MACROD2: variants seen among roughly 807,000 people sequenced by gnomAD.
MACROD2 encodes the protein mono-ADP ribosylhydrolase 2.
In MACROD2, 36 loss-of-function variants were observed where a neutral mutation model predicts 70.4. The observed-to-expected ratio is 0.51, with a 90% CI of 0.39 to 0.68. The LOEUF is 0.68. Among genes scored for constraint, MACROD2 ranks in the 30% least tolerant of loss-of-function variants. The pLI, the probability that MACROD2 is intolerant of heterozygous loss-of-function variation, is 0.00. For missense variants in MACROD2, 496 were observed against 538.4 expected, an observed-to-expected ratio of 0.92 and a Z score of 0.78; for synonymous variants, 172 against 178.8, an observed-to-expected ratio of 0.96 and a Z score of 0.30.
chr20:14,325,753 G>A, intron 3 of MACROD2: 1 of 1,613,924 alleles, frequency 6.2e-7, no homozygotes, highest in Non-Finnish European at 8.5e-7. Flanking sequence ...TTCCAGGATA[G>A]AGTTGTCCTT....
At chr20:14,470,646 A>T (rs1267866574) in intron 3 of MACROD2, among the ~76,000 whole-genome samples, 1 of 152,036 alleles carries the variant, frequency 6.6e-6, no homozygotes, top group Non-Finnish European at 1.5e-5. Flanking sequence ...CTAGAGAGGC[A>T]GTCTGGCTAC....
chr20:16,022,107 G>A (rs938343764), intron 15 of MACROD2, among the ~76,000 whole-genome samples: 12 of 139,038 alleles, frequency 8.6e-5, no homozygotes, highest in African/African-American at 3.2e-4. Flanking sequence ...CTGGAGTGCA[G>A]TGGCGCGATC....
At chr20:14,755,711 T>A (rs898068913) in intron 5 of MACROD2, among the ~76,000 whole-genome samples, 2 of 151,958 alleles carry the variant, frequency 1.3e-5, no homozygotes, top group Non-Finnish European at 2.9e-5. Context: ...GTTTATTATA[T>A]TACCCTGGGT....
chr20:14,837,454 A>T (rs2073041695), intron 5 of MACROD2, among the ~76,000 whole-genome samples: 1 of 152,042 alleles, frequency 6.6e-6, no homozygotes, highest in Admixed American at 6.6e-5. Context: ...TTATTTAACC[A>T]ATTGGAGTAT....
intron 8 of MACROD2, among the ~76,000 whole-genome samples, chr20:15,625,856 C>T (rs1412732415): frequency 2.4e-5 from 3 of 127,376 alleles, no homozygotes; most frequent in Non-Finnish European, 4.6e-5. Context: ...CCGCTTTGAG[C>T]ATGGCAGATG....
Position 16,051,269 on chromosome 20 carries a change from GA to G in MACROD2, c.*1398del, listed in dbSNP as rs1426173560. 5 of 152,188 alleles carry G rather than the reference GA, an allele frequency of 3.3e-5. No homozygotes were observed. Among genetic ancestry groups the G allele is most frequent in the African/African-American group, 1.2e-4 (5 of 41,458 alleles). The allele number at this position is 152,188 out of a possible 1,614,324, so 9.4% of individuals were successfully genotyped here. On this transcript the variant is annotated 3_prime_UTR_variant, in exon 18 of 18. Coordinates refer to ENST00000684519, the MANE Select transcript of MACROD2 (RefSeq NM_001351661.2). The stretch of plus-strand genomic sequence containing the variant: ...ATATTGTTTTTCCTTAACAGAGGGA[GA>G]AAAATAGTGGATTATTATTTCTAAA...
At position 15,066,117 on chromosome 20, in the gene MACROD2, T is replaced by A. The variant is rs538010601; in HGVS notation, c.419-163823T>A. 2.6e-3 allele frequency among the ~76,000 whole-genome samples: 386 copies of A among 151,126 alleles called. 1 individual carries two copies. Among genetic ancestry groups the A allele is most frequent in the African/African-American group, 9.0e-3 (373 of 41,376 alleles). ...TGAAAACAAGAGCTGCTTTCTTTTTTTTTTTTATTTTTAATTTTTATTTTT... is the reference window on the plus strand; with the variant it reads ...TGAAAACAAGAGCTGCTTTCTTTTTATTTTTTATTTTTAATTTTTATTTTT... On this transcript the variant is annotated intron_variant, in intron 5 of 17. Coordinates refer to ENST00000684519, the MANE Select transcript of MACROD2 (RefSeq NM_001351661.2).
chr20:15,947,866 G>A lies in MACROD2; in HGVS notation c.907+10322G>A, dbSNP rs1440547067. 2.0e-5 allele frequency among the ~76,000 whole-genome samples: 3 copies of A among 152,118 alleles called. No individual in the cohort carries two copies. The East Asian group carries it at 5.8e-4, about 29-fold the overall frequency. ...AAATTATCTGGAATTTTTTCCACAA[G>A]AATTAACTAGAGAATTGGAGATAGA... is the stretch of plus-strand genomic sequence containing the variant. On this transcript the variant is annotated intron_variant, in intron 12 of 17. Transcript: ENST00000684519.
At chr20:15,760,756 G>A (rs1259737572) in intron 8 of MACROD2, among the ~76,000 whole-genome samples, 1 of 152,192 alleles carries the variant, frequency 6.6e-6, no homozygotes, top group Non-Finnish European at 1.5e-5. Flanking sequence ...TATTTCCTGA[G>A]TGACCTTATG....
chr20:15,560,762 C>CAAAAAAA (rs71190190), intron 8 of MACROD2, among the ~76,000 whole-genome samples: 3 of 22,084 alleles, frequency 1.4e-4, no homozygotes, highest in South Asian at 1.8e-3. Flanking sequence ...AACAAAGTCT[C>CAAAAAAA]AAAAAAAAAA....
chr20:14,278,813 TAATC>T (rs1016957472), intron 3 of MACROD2, among the ~76,000 whole-genome samples: 1 of 152,136 alleles, frequency 6.6e-6, no homozygotes, highest in African/African-American at 2.4e-5. Flanking sequence ...TCAGAAAAAA[TAATC>T]AGTAAGTTTT....
intron 8 of MACROD2, among the ~76,000 whole-genome samples, chr20:15,818,924 C>G (rs2063905819): frequency 6.6e-6 from 1 of 151,968 alleles, no homozygotes. Context: ...TGTGCCAGTT[C>G]AGCAAATATT....
At chr20:15,763,771 C>G (rs780018490) in intron 8 of MACROD2, among the ~76,000 whole-genome samples, 3 of 152,092 alleles carry the variant, frequency 2.0e-5, no homozygotes, top group Non-Finnish European at 2.9e-5. Context: ...TCAATTGTTA[C>G]AAATACAGAC....
At chr20:14,648,475 A>G (rs1985510868) in intron 4 of MACROD2, among the ~76,000 whole-genome samples, 1 of 152,192 alleles carries the variant, frequency 6.6e-6, no homozygotes, top group Non-Finnish European at 1.5e-5. Flanking sequence ...TCTTAATGTA[A>G]CAACTGGATT....
At chr20:15,622,653 T>C (rs1265069801) in intron 8 of MACROD2, among the ~76,000 whole-genome samples, 1 of 152,176 alleles carries the variant, frequency 6.6e-6, no homozygotes, top group Non-Finnish European at 1.5e-5. Context: ...GACATGTTTA[T>C]TTCTGCAGTT....
At chr20:15,452,282 C>A (rs1739832029) in intron 7 of MACROD2, among the ~76,000 whole-genome samples, 1 of 152,150 alleles carries the variant, frequency 6.6e-6, no homozygotes, top group Non-Finnish European at 1.5e-5. Context: ...TTATTTTAGG[C>A]ATAATTTTAA....
chr20:15,556,723 T>G (rs1049019654), intron 8 of MACROD2, among the ~76,000 whole-genome samples: 7 of 152,210 alleles, frequency 4.6e-5, no homozygotes, highest in Admixed American at 2.0e-4. Context: ...TGATTACAGT[T>G]TTCTTATTAA....
At position 14,904,109 on chromosome 20, in the gene MACROD2, A is replaced by G. The variant is rs1013791149; in HGVS notation, c.418+219150A>G. Among the ~76,000 whole-genome samples the G allele has an allele frequency of 3.3e-5, 5 of 152,152 alleles. No homozygotes were observed. The South Asian group carries it at 6.2e-4, about 19-fold the overall frequency. On this transcript the variant is annotated intron_variant, in intron 5 of 17. Transcript: ENST00000684519. The stretch of plus-strand genomic sequence containing the variant: ...CTGTGATACCATGTCTACATCTACC[A>G]AAGACTTTAAACATACTGGGATCTT...
At chr20:14,215,871 T>C (rs983528674) in intron 3 of MACROD2, among the ~76,000 whole-genome samples, 1 of 152,116 alleles carries the variant, frequency 6.6e-6, no homozygotes, top group African/African-American at 2.4e-5. Context: ...TTTGTTTTTT[T>C]CTTACTGATT....
Sources: allele counts gnomAD v4.1 joint callset (sites outside exome capture counted in the v4.1 genomes callset), GRCh38; gene constraint gnomAD v4.1.1; transcripts MANE v1.5; gene names NCBI Gene and HGNC (gene_info 2026-07-23, HGNC 2026-07-21).